The following PDE11A variants were observed in gnomAD, a reference collection of about 807,000 sequenced individuals.
PDE11A encodes the protein dual 3',5'-cyclic-AMP and -GMP phosphodiesterase 11A.
Under a neutral mutation model 100.5 loss-of-function variants are expected in PDE11A, and 100 were observed. The ratio of observed to expected loss-of-function variants is 1.00; its 90% confidence interval spans 0.85 to 1.18. The LOEUF is 1.18. Ranked by LOEUF, PDE11A falls within the 50% of genes most tolerant of loss-of-function variation. The pLI is 0.00. For synonymous variants in PDE11A, 381 were observed against 420.8 expected (o/e 0.91, Z 1.16); for missense variants, 1,141 against 1,152.6 (o/e 0.99, Z 0.15).
At chr2:177,903,664 T>C (rs1295375763) in intron 3 of PDE11A, among the ~76,000 whole-genome samples, 1 of 152,110 alleles carries the variant, frequency 6.6e-6, no homozygotes, top group Admixed American at 6.5e-5. Flanking sequence ...CATAATAGAA[T>C]AGTGGCAGTA....
chr2:178,073,180 G>A, upstream of PDE11A: 2 of 536,718 alleles, frequency 3.7e-6, no homozygotes, highest in Non-Finnish European at 4.8e-6. Flanking sequence ...CGAGAGTGTC[G>A]TTCACCCTCA....
intron 12 of PDE11A, among the ~76,000 whole-genome samples, chr2:177,717,448 T>G (rs370212420): frequency 6.6e-6 from 1 of 152,158 alleles, no homozygotes; most frequent in African/African-American, 2.4e-5. Context: ...TTAATGCATT[T>G]ACCCCATTCT....
chr2:177,812,523 T>C (rs573651326), intron 9 of PDE11A, among the ~76,000 whole-genome samples: 1 of 152,206 alleles, frequency 6.6e-6, no homozygotes, highest in African/African-American at 2.4e-5. Context: ...TAAAGAAATA[T>C]ACTTGAATAT....
Position 177,629,414 on chromosome 2 carries a change from C to T in PDE11A, c.2795G>A (p.Arg932Lys), listed in dbSNP as rs776930909. Residue 932 changes from arginine (R) to lysine (K), a missense_variant, in exon 20 of 20, where the codon AGG becomes AAG. Physicochemically the swap from Arg to Lys is conservative, Grantham distance 26. Coordinates refer to ENST00000286063, the MANE Select transcript of PDE11A (RefSeq NM_016953.4). ...PASVMVAKED[R>K]N ...TGCAGCTGACCTGGAGGTTTAGTTC[C>T]TGTCTTCCTTGGCTACCATAACACT... is the stretch of plus-strand genomic sequence containing the variant. 1 of 1,612,918 alleles carries T rather than the reference C, an allele frequency of 6.2e-7. No homozygotes were observed. Among genetic ancestry groups the T allele is most frequent in the Non-Finnish European group, 8.5e-7 (1 of 1,179,788 alleles).
At chr2:178,016,646 T>A (rs1417419019) in intron 1 of PDE11A, among the ~76,000 whole-genome samples, 1 of 152,062 alleles carries the variant, frequency 6.6e-6, no homozygotes, top group Non-Finnish European at 1.5e-5. Context: ...TTTATAGGGA[T>A]CAAGGAAGTT....
intron 2 of PDE11A, among the ~76,000 whole-genome samples, chr2:178,080,076 T>C (rs1218911640): frequency 6.6e-6 from 1 of 152,212 alleles, no homozygotes; most frequent in African/African-American, 2.4e-5. Context: ...GCAAAAATTT[T>C]CTTCCATTCT....
intron 2 of PDE11A, among the ~76,000 whole-genome samples, chr2:178,103,919 C>T (rs2087588589): frequency 6.6e-6 from 1 of 152,074 alleles, no homozygotes; most frequent in Admixed American, 6.6e-5. Context: ...AAAAAACATG[C>T]TGAATATACG....
intron 5 of PDE11A, among the ~76,000 whole-genome samples, chr2:177,857,328 C>G (rs2083855034): frequency 6.6e-6 from 1 of 151,792 alleles, no homozygotes; most frequent in Admixed American, 6.6e-5. Flanking sequence ...TGAAAAGATA[C>G]TAGGGAGCAA....
At chr2:177,946,119 C>T (rs1258093277) in intron 2 of PDE11A, among the ~76,000 whole-genome samples, 4 of 120,958 alleles carry the variant, frequency 3.3e-5, no homozygotes, top group African/African-American at 1.0e-4. Flanking sequence ...GTCAGCCCTC[C>T]GCCCGGCCAG....
At chr2:177,739,742 C>T (rs1032529951) in intron 10 of PDE11A, among the ~76,000 whole-genome samples, 1 of 152,154 alleles carries the variant, frequency 6.6e-6, no homozygotes, top group African/African-American at 2.4e-5. Context: ...TTCACGGTCC[C>T]TCTATGCAGC....
At chr2:177,967,766 T>C (rs2085717229) in intron 2 of PDE11A, among the ~76,000 whole-genome samples, 1 of 152,126 alleles carries the variant, frequency 6.6e-6, no homozygotes, top group African/African-American at 2.4e-5. Context: ...ATTTACTAGA[T>C]GTACTAGGTG....
At chr2:177,933,773 A>C (rs770193314) in intron 2 of PDE11A, among the ~76,000 whole-genome samples, 1 of 152,202 alleles carries the variant, frequency 6.6e-6, no homozygotes, top group African/African-American at 2.4e-5. Context: ...CAGCATGTAC[A>C]AAAACAGACA....
chr2:177,983,034 C>A (rs2085901677), intron 2 of PDE11A, among the ~76,000 whole-genome samples: 1 of 150,504 alleles, frequency 6.6e-6, no homozygotes, highest in Non-Finnish European at 1.5e-5. Flanking sequence ...TGAGATCGCG[C>A]CATTACACTC....
chr2:178,058,606 G>T (rs924748514), intron 1 of PDE11A, among the ~76,000 whole-genome samples: 1 of 152,160 alleles, frequency 6.6e-6, no homozygotes, highest in East Asian at 1.9e-4. Flanking sequence ...TCAGCAGCAT[G>T]AGAATAGACT....
At chr2:178,017,569 T>C (rs1382861888) in intron 1 of PDE11A, among the ~76,000 whole-genome samples, 1 of 152,138 alleles carries the variant, frequency 6.6e-6, no homozygotes, top group Non-Finnish European at 1.5e-5. Flanking sequence ...ACTAAATTTA[T>C]ATTAGTGATT....
intron 9 of PDE11A, among the ~76,000 whole-genome samples, chr2:177,789,615 G>A (rs1468323675): frequency 6.6e-6 from 1 of 151,990 alleles, no homozygotes; most frequent in Non-Finnish European, 1.5e-5. Flanking sequence ...GTTTGCAGAT[G>A]ACATGATTGT....
At position 177,846,317 on chromosome 2, in the gene PDE11A, T is replaced by G. The variant is rs540234085; in HGVS notation, c.1368-5934A>C. ...GATTAAGGTGATAATTCATGCAAAGTGCTCAGCATATTATTTAGCCCATAG... is the reference window on the plus strand; with the variant it reads ...GATTAAGGTGATAATTCATGCAAAGGGCTCAGCATATTATTTAGCCCATAG... On this transcript the variant is annotated intron_variant, in intron 5 of 19. Coordinates refer to ENST00000286063, the MANE Select transcript of PDE11A (RefSeq NM_016953.4). 2.6e-5 allele frequency among the ~76,000 whole-genome samples: 4 copies of G among 152,300 alleles called. No individual in the cohort carries two copies. In the South Asian group the frequency reaches 8.3e-4, roughly 32 times the overall value.
chr2:177,651,081 A>G (rs1404874135), intron 19 of PDE11A, among the ~76,000 whole-genome samples: 1 of 152,228 alleles, frequency 6.6e-6, no homozygotes, highest in African/African-American at 2.4e-5. Flanking sequence ...TCTGAAATAA[A>G]AAGATCCTCA....
At chr2:178,047,043 T>TC (rs1271725583) in intron 1 of PDE11A, among the ~76,000 whole-genome samples, 6 of 151,796 alleles carry the variant, frequency 4.0e-5, no homozygotes, top group African/African-American at 1.4e-4. Flanking sequence ...TTCTGGGATT[T>TC]TTTTTTTTTT....
Sources: allele counts gnomAD v4.1 joint callset (sites outside exome capture counted in the v4.1 genomes callset), GRCh38; gene constraint gnomAD v4.1.1; transcripts MANE v1.5; gene names NCBI Gene and HGNC (gene_info 2026-07-23, HGNC 2026-07-21).